Variants in CNTN5 observed in about 807,000 individuals in gnomAD.
The protein encoded by CNTN5 is contactin-5.
CNTN5 carries 77 observed loss-of-function variants against 129.1 expected under a neutral mutation model. The observed-to-expected ratio is 0.60, with a 90% CI of 0.50 to 0.72. CNTN5 has a LOEUF of 0.72. Among genes scored for constraint, CNTN5 ranks in the 30% least tolerant of loss-of-function variants. The pLI is 0.00. For synonymous variants in CNTN5, 509 were observed against 465.6 expected (o/e 1.09, Z -1.20); for missense variants, 1,478 against 1,328.8 (o/e 1.11, Z -1.75).
chr11:99,953,880 A>G (rs893438394), intron 7 of CNTN5, among the ~76,000 whole-genome samples: 1 of 152,178 alleles, frequency 6.6e-6, no homozygotes, highest in Non-Finnish European at 1.5e-5. Context: ...TTTTGTTGCA[A>G]TTGCTTTTGG....
chr11:100,147,077 G>C (rs1448456513), intron 13 of CNTN5, among the ~76,000 whole-genome samples: 1 of 151,958 alleles, frequency 6.6e-6, no homozygotes, highest in East Asian at 1.9e-4. Context: ...TTCTCTACAG[G>C]ATAAAGTCCA....
At chr11:100,232,145 C>T (rs1949504548) in intron 16 of CNTN5, among the ~76,000 whole-genome samples, 1 of 151,812 alleles carries the variant, frequency 6.6e-6, no homozygotes, top group Admixed American at 6.6e-5. Flanking sequence ...CAGAGTGAGA[C>T]TGTCTCAAAA....
chr11:100,167,493 A>C (rs1470124387), intron 13 of CNTN5, among the ~76,000 whole-genome samples: 4 of 151,870 alleles, frequency 2.6e-5, no homozygotes, highest in Non-Finnish European at 4.4e-5. Flanking sequence ...ACAATGATAA[A>C]CACAAATAGG....
At chr11:99,813,271 T>G (rs1387371991) in intron 3 of CNTN5, among the ~76,000 whole-genome samples, 1 of 152,164 alleles carries the variant, frequency 6.6e-6, no homozygotes. Flanking sequence ...CACTCAATAT[T>G]TCTATTTCAC....
At chr11:100,043,172 T>A (rs555691949) in intron 9 of CNTN5, among the ~76,000 whole-genome samples, 1 of 152,278 alleles carries the variant, frequency 6.6e-6, no homozygotes, top group South Asian at 2.1e-4. Context: ...AAAAAGAAAA[T>A]GAATGAATCA....
intron 3 of CNTN5, among the ~76,000 whole-genome samples, chr11:99,569,009 G>A (rs1454897507): frequency 6.6e-6 from 1 of 152,098 alleles, no homozygotes; most frequent in Non-Finnish European, 1.5e-5. Flanking sequence ...GAAGTCTTCA[G>A]GTTGGTGACT....
intron 2 of CNTN5, among the ~76,000 whole-genome samples, chr11:99,418,281 T>TA (rs1942746975): frequency 1.3e-5 from 2 of 151,742 alleles, no homozygotes; most frequent in African/African-American, 2.4e-5. Flanking sequence ...AACAACAACT[T>TA]TAAAAAAAAG....
intron 2 of CNTN5, among the ~76,000 whole-genome samples, chr11:99,533,376 G>T (rs1215263253): frequency 6.6e-6 from 1 of 152,240 alleles, no homozygotes; most frequent in Non-Finnish European, 1.5e-5. Flanking sequence ...GGTAGGCACA[G>T]AAGCAGGTCT....
intron 2 of CNTN5, among the ~76,000 whole-genome samples, chr11:99,384,730 C>T (rs188634912): frequency 6.6e-6 from 1 of 152,112 alleles, no homozygotes; most frequent in South Asian, 2.1e-4. Flanking sequence ...AATAGTCCTT[C>T]CCCTTTACTA....
intron 7 of CNTN5, among the ~76,000 whole-genome samples, chr11:99,922,248 C>T (rs1315423461): frequency 6.6e-6 from 1 of 152,136 alleles, no homozygotes; most frequent in African/African-American, 2.4e-5. Context: ...GACTTATTCA[C>T]CATCATGAGA....
chr11:99,280,987 C>A lies in CNTN5; in HGVS notation c.-209-44359C>A, dbSNP rs1455361175. 2.9e-4 allele frequency among the ~76,000 whole-genome samples: 44 copies of A among 151,466 alleles called. No individual in the cohort carries two copies. In the Admixed American group the frequency reaches 2.9e-3, roughly 10 times the overall value. ...GATTAAAAAAAATCACATAAAATTT[C>A]TAGTAAATCACAAAAATTTAAAAAT... On this transcript the variant is annotated intron_variant, in intron 1 of 24. Transcript: ENST00000524871.
chr11:100,227,366 A>G (rs1055686903), intron 16 of CNTN5, among the ~76,000 whole-genome samples: 12 of 152,166 alleles, frequency 7.9e-5, no homozygotes, highest in African/African-American at 2.4e-4. Flanking sequence ...GTGTAGCCAC[A>G]TGGCCTCATC....
In CNTN5 at chr11:100,186,106, TC is replaced by T. The variant is rs1332944750; in HGVS notation, c.1581-5017del. Among the ~76,000 whole-genome samples the T allele has an allele frequency of 1.2e-4, 18 of 152,244 alleles. No homozygotes were observed. In the East Asian group the frequency reaches 3.3e-3, roughly 28 times the overall value. On this transcript the variant is annotated intron_variant, in intron 13 of 24. Transcript: ENST00000524871. ...TGGGCAGGGTGGCTCATGCCTGTAA[TC>T]CCAGCACTTTGGGAGGCCAAGACAG...
At chr11:100,340,962 C>A in intron 22 of CNTN5, 131 bp from the exon 23 acceptor site, 1 of 699,618 alleles carries the variant, frequency 1.4e-6, no homozygotes. Flanking sequence ...TTATCTGACT[C>A]CAGCTGGAAG....
intron 1 of CNTN5, among the ~76,000 whole-genome samples, chr11:99,186,096 A>G (rs188080022): frequency 6.6e-6 from 1 of 151,782 alleles, no homozygotes; most frequent in African/African-American, 2.4e-5. Context: ...GAAAATAGAA[A>G]TTTTTCTTAG....
At chr11:100,043,025 CTTTG>C (rs71465304) in intron 9 of CNTN5, among the ~76,000 whole-genome samples, 21,967 of 152,054 alleles carry the variant, frequency 0.14, 1,601 homozygotes, top group Non-Finnish European at 0.16. Flanking sequence ...AAAATCAGTC[CTTTG>C]TTTGTGCTTG....
rs1457117946 is a variant in CNTN5 at position 99,923,805 on chromosome 11, A to ATCTATCTG, written c.673+7659_673+7660insATCTGTCT. On this transcript the variant is annotated intron_variant, in intron 7 of 24. Coordinates refer to ENST00000524871, the MANE Select transcript of CNTN5 (RefSeq NM_014361.4). ...TATCTATCTATCTATCTATCTATCT[A>ATCTATCTG]TCTGACAGAGTCTTGCTCTGTTGCC... Among the ~76,000 whole-genome samples the ATCTATCTG allele has an allele frequency of 2.1e-4, 31 of 150,408 alleles. No homozygotes were observed. The East Asian group carries it at 3.6e-3, about 17-fold the overall frequency.
chr11:100,338,113 A>C (rs1043539629), intron 21 of CNTN5, among the ~76,000 whole-genome samples: 1 of 152,244 alleles, frequency 6.6e-6, no homozygotes, highest in African/African-American at 2.4e-5. Flanking sequence ...AAGACGAGGA[A>C]GAAAATGTGG....
At chr11:99,528,666 G>A (rs888073831) in intron 2 of CNTN5, among the ~76,000 whole-genome samples, 1 of 152,230 alleles carries the variant, frequency 6.6e-6, no homozygotes, top group African/African-American at 2.4e-5. Context: ...AGCTGATGGT[G>A]TAATTCTCAT....
Sources: gnomAD v4.1 joint callset for allele counts (sites outside exome capture counted in the v4.1 genomes callset) on GRCh38, gnomAD v4.1.1 for gene constraint, MANE v1.5 for transcripts, NCBI Gene and HGNC (gene_info 2026-07-23, HGNC 2026-07-21) for gene names.